The following PRX variants were observed in gnomAD, a reference collection of about 807,000 sequenced individuals.
PRX encodes periaxin.
In PRX, 24 loss-of-function variants were observed where a neutral mutation model predicts 29.6. The observed-to-expected ratio is 0.81, with a 90% CI of 0.59 to 1.14. PRX has a LOEUF of 1.14. Among genes scored for constraint, PRX ranks in the 50% most tolerant of loss-of-function variants. The pLI, the probability that PRX is intolerant of heterozygous loss-of-function variation, is 0.00. For missense variants in PRX, 1,838 were observed against 1,926.4 expected (o/e 0.95, Z 0.86); for synonymous variants, 772 against 831.7 (o/e 0.93, Z 1.24).
rs752312629 is a variant in PRX at position 40,395,849 on chromosome 19, G to T, written c.2503C>A (p.Pro835Thr). The T allele has an allele frequency of 1.2e-6, 2 of 1,614,204 alleles. No individual in the cohort carries two copies. The highest frequency in any genetic ancestry group is 1.1e-5 in the South Asian group (1 of 91,086). The change falls in exon 7 of 7, where the codon CCC (proline) becomes ACC (threonine). Residue 835 changes from proline to threonine, a missense_variant. Coordinates refer to ENST00000324001, the MANE Select transcript of PRX (RefSeq NM_181882.3). Reference protein sequence around the residue: ...AEVSGKLVTLPCLQPEVDGEA... With the variant: ...AEVSGKLVTLTCLQPEVDGEA... Reference sequence around the variant, plus strand: ...CCATCCACCTCTGGCTGCAGACAGGGAAGTGTTACCAGCTTCCCTGAGACC... The same window carrying T: ...CCATCCACCTCTGGCTGCAGACAGGTAAGTGTTACCAGCTTCCCTGAGACC...
At position 40,394,173 on chromosome 19, in the gene PRX, C is replaced by T. The variant is rs1206533382; in HGVS notation, c.4179G>A (p.Gln1393=). 2 of 1,587,754 alleles carry T rather than the reference C, an allele frequency of 1.3e-6. No individual in the cohort carries two copies. Among genetic ancestry groups the T allele is most frequent in the South Asian group, 2.3e-5 (2 of 88,072 alleles). Residue 1393 remains glutamine, a synonymous_variant, in exon 7 of 7, where the codon CAG becomes CAA. Coordinates refer to ENST00000324001, the MANE Select transcript of PRX (RefSeq NM_181882.3). This position sits in a 1 kb window ranked among gnomAD's most constrained non-coding sequence, Gnocchi z 5.8. The part of the protein sequence containing the change: ...LAAPSKASRG[Q]EGDAAPKSPV... Reference sequence around the variant, plus strand: ...GGGACTTGGGGGCTGCATCGCCCTCCTGCCCCCGAGAGGCTTTAGAAGGGG... The same window carrying T: ...GGGACTTGGGGGCTGCATCGCCCTCTTGCCCCCGAGAGGCTTTAGAAGGGG...
intron 4 of PRX, among the ~76,000 whole-genome samples, chr19:40,406,316 G>T (rs1193480898): frequency 6.6e-6 from 1 of 151,838 alleles, no homozygotes; most frequent in Non-Finnish European, 1.5e-5. Context: ...GGGCTCAAGG[G>T]ATCCTCTGGC....
intron 4 of PRX, among the ~76,000 whole-genome samples, chr19:40,407,265 CTTT>C (rs796139969): frequency 6.5e-5 from 8 of 123,790 alleles, no homozygotes; most frequent in Non-Finnish European, 1.3e-4. Flanking sequence ...TAGACAGGGT[CTTT>C]TTTTTTTTTT....
In PRX at chr19:40,397,718, G is replaced by T. The variant is rs771156102; in HGVS notation, c.634C>A (p.Pro212Thr). 1.9e-5 allele frequency: 30 copies of T among 1,559,680 alleles called. No individual in the cohort carries two copies. The highest frequency in any genetic ancestry group is 1.5e-5 in the Non-Finnish European group (17 of 1,156,372). ...TCCACCTTGGCTTTCCTGGGGGGAG[G>T]AGCGGCGGCGGCCAGCCGGGCTGCC... The part of the protein sequence containing the change: ...AQAARLAAAA[P>T]PPRKAKVEAE... The change falls in exon 7 of 7, where the codon CCT (proline) becomes ACT (threonine). Residue 212 changes from proline to threonine, a missense_variant. Physicochemically the swap from Pro to Thr is conservative, Grantham distance 38. Around this residue, in one of 3 missense-constraint regions of PRX, gnomAD observed 666 missense variants for 665.0 expected, o/e 1.00. Transcript: ENST00000324001.
chr19:40,394,599 C>T lies in PRX; in HGVS notation c.3753G>A (p.Gly1251=). The T allele has an allele frequency of 6.2e-7, 1 of 1,608,576 alleles. No individual in the cohort carries two copies. Among genetic ancestry groups the T allele is most frequent in the Non-Finnish European group, 8.5e-7 (1 of 1,179,256 alleles). The change falls in exon 7 of 7, where the codon GGG becomes GGA. Residue 1251 remains glycine, a synonymous_variant. Transcript: ENST00000324001. This position sits in a 1 kb window ranked among gnomAD's most constrained non-coding sequence, Gnocchi z 5.8. ...CCTCGCCCCCCACCCTAGCTCTGGC[C>T]CCCAGTGTGGGCAACTTCAGCCTCA... ...GGLRLKLPTL[G]ARARVGGEGA... is the part of the protein sequence containing the mutation.
At chr19:40,405,966 G>T (rs1023251739) in intron 4 of PRX, among the ~76,000 whole-genome samples, 2 of 151,286 alleles carry the variant, frequency 1.3e-5, no homozygotes, top group African/African-American at 4.9e-5. Flanking sequence ...TCGGAGTCAG[G>T]CCAGGCGCGG....
chr19:40,394,257 T>C lies in PRX; in HGVS notation c.4095A>G (p.Glu1365=). ...CCCGGCCCCGGCGACCCGAGGCCCCTTCCCCACTGCCCTCTTCCTCCTCCT... is the reference window on the plus strand; with the variant it reads ...CCCGGCCCCGGCGACCCGAGGCCCCCTCCCCACTGCCCTCTTCCTCCTCCT... The part of the protein sequence containing the change: ...EEEEEEEGSG[E]GASGRRGRVR... Residue 1365 remains glutamate (E), a synonymous_variant, in exon 7 of 7, where the codon GAA becomes GAG. Coordinates refer to ENST00000324001, the MANE Select transcript of PRX (RefSeq NM_181882.3). The surrounding 1 kb of genome is among the most constrained non-coding windows in gnomAD (Gnocchi z 5.8). 2 of 1,609,574 alleles carry C rather than the reference T, an allele frequency of 1.2e-6. No individual in the cohort carries two copies. The highest frequency in any genetic ancestry group is 1.7e-6 in the Non-Finnish European group (2 of 1,176,780).
rs773641151 is a variant in PRX, at chr19:40,398,850, C to G, written c.185-34G>C. 4 of 1,613,462 alleles carry G rather than the reference C, an allele frequency of 2.5e-6. No homozygotes were observed. In the African/African-American group the frequency reaches 5.3e-5, roughly 22 times the overall value. On this transcript the variant is annotated intron_variant, in intron 5 of 6. Transcript: ENST00000324001. This position sits in a 1 kb window ranked among gnomAD's most constrained non-coding sequence, Gnocchi z 6.3. ...GAGGTGGAGGTGCGCAGCACGTGGG[C>G]ATCTCCCGGCTCCGCCCGGGCCTAG...
intron 4 of PRX, among the ~76,000 whole-genome samples, chr19:40,404,135 C>T (rs1332772897): frequency 2.0e-5 from 3 of 152,302 alleles, no homozygotes; most frequent in Non-Finnish European, 2.9e-5. Flanking sequence ...CTTCAGGGCA[C>T]ACGCCCCTCG....
intron 5 of PRX, among the ~76,000 whole-genome samples, chr19:40,399,405 C>A (rs2079472601): frequency 6.6e-6 from 1 of 152,226 alleles, no homozygotes; most frequent in Admixed American, 6.5e-5. Context: ...TTTATCTGTT[C>A]ACCTTAATAG....
intron 1 of PRX, among the ~76,000 whole-genome samples, chr19:40,410,119 C>T (rs2079551725): frequency 6.6e-6 from 1 of 152,132 alleles, no homozygotes; most frequent in African/African-American, 2.4e-5. Context: ...TGCTCAAGGC[C>T]TCATAGCACA....
At position 40,398,727 on chromosome 19, in the gene PRX, C is replaced by T. The variant is rs1397605310; in HGVS notation, c.274G>A (p.Val92Ile). Residue 92 changes from valine (V) to isoleucine (I), a missense_variant, in exon 6 of 7, where the codon GTC (valine) becomes ATC (isoleucine). Physicochemically the swap from Val to Ile is conservative, Grantham distance 29 (BLOSUM62 3). Coordinates refer to ENST00000324001, the MANE Select transcript of PRX (RefSeq NM_181882.3). The surrounding 1 kb of genome is among the most constrained non-coding windows in gnomAD (Gnocchi z 6.3). ...ACAGTGCGCTTCAGGCAGAAGGAGA[C>T]TTTGTAAGGCTCGGCGCATTGCAGC... ...RLLQCAEPYK[V>I]SFCLKRTVPT... is the part of the protein sequence containing the mutation. The T allele has an allele frequency of 6.2e-7, 1 of 1,614,096 alleles. No homozygotes were observed.
chr19:40,398,781 T>C lies in PRX; in HGVS notation c.220A>G (p.Asn74Asp). 6.2e-7 allele frequency: 1 copy of C among 1,613,970 alleles called. No individual in the cohort carries two copies. Among genetic ancestry groups the C allele is most frequent in the South Asian group, 1.1e-5 (1 of 91,076 alleles). ...CGTAGTGCGTCCTCGTACTTGAAGTTCTCGAAGAACACTCGGGCACTCAGC... is the reference window on the plus strand; with the variant it reads ...CGTAGTGCGTCCTCGTACTTGAAGTCCTCGAAGAACACTCGGGCACTCAGC... ...QLLSARVFFE[N>D]FKYEDALRLL... The change falls in exon 6 of 7, where the codon AAC becomes GAC. Residue 74 changes from asparagine (N) to aspartate (D), a missense_variant. Transcript: ENST00000324001. This position sits in a 1 kb window ranked among gnomAD's most constrained non-coding sequence, Gnocchi z 6.3.
At position 40,395,832 on chromosome 19, in the gene PRX, C is replaced by G. The variant is rs1252771049; in HGVS notation, c.2520G>C (p.Glu840Asp). The G allele has an allele frequency of 6.2e-6, 10 of 1,614,102 alleles. No homozygotes were observed. The highest frequency in any genetic ancestry group is 7.6e-6 in the Non-Finnish European group (9 of 1,180,048). ...CACCCACATGAGCCTCACCATCCACCTCTGGCTGCAGACAGGGAAGTGTTA... is the reference window on the plus strand; with the variant it reads ...CACCCACATGAGCCTCACCATCCACGTCTGGCTGCAGACAGGGAAGTGTTA... ...KLVTLPCLQP[E>D]VDGEAHVGVP... is the part of the protein sequence containing the mutation. Residue 840 changes from glutamate to aspartate, a missense_variant, in exon 7 of 7, where the codon GAG (glutamate) becomes GAC (aspartate). Coordinates refer to ENST00000324001, the MANE Select transcript of PRX (RefSeq NM_181882.3).
chr19:40,403,079 A>G (rs916778882), intron 5 of PRX, among the ~76,000 whole-genome samples: 1 of 152,100 alleles, frequency 6.6e-6, no homozygotes, highest in Non-Finnish European at 1.5e-5. Flanking sequence ...CTGAGGCAGG[A>G]GAATCGCTTG....
chr19:40,409,542 G>T (rs972979757), intron 1 of PRX, among the ~76,000 whole-genome samples: 1 of 150,692 alleles, frequency 6.6e-6, no homozygotes, highest in African/African-American at 2.4e-5. Context: ...GTGCGAATTC[G>T]GCTTACTACA....
At position 40,398,653 on chromosome 19, in the gene PRX, C is replaced by T; in HGVS notation, c.348G>A (p.Glu116=). The change falls in exon 6 of 7, where the codon GAG becomes GAA. Residue 116 remains glutamate, a synonymous_variant. Coordinates refer to ENST00000324001, the MANE Select transcript of PRX (RefSeq NM_181882.3). This position sits in a 1 kb window ranked among gnomAD's most constrained non-coding sequence, Gnocchi z 6.3. ...CCACCTTGGCCCGCGGGCCCTTGAT[C>T]TCGTAGCCAGACACGGTCCCGGGCC... is the stretch of plus-strand genomic sequence containing the variant. ...ALRPGTVSGY[E]IKGPRAKVAK... The T allele has an allele frequency of 3.1e-6, 5 of 1,613,862 alleles. No individual in the cohort carries two copies. The highest frequency in any genetic ancestry group is 4.2e-6 in the Non-Finnish European group (5 of 1,179,910).
upstream of PRX, among the ~76,000 whole-genome samples, chr19:40,414,772 G>A (rs545115743): frequency 9.9e-5 from 15 of 152,262 alleles, no homozygotes; most frequent in South Asian, 8.3e-4. Context: ...CTGCTGCCTC[G>A]GAAGCTCGTC....
Position 40,396,106 on chromosome 19 carries a change from T to G in PRX, c.2246A>C (p.Lys749Thr), listed in dbSNP as rs751511779. 2.5e-6 allele frequency: 4 copies of G among 1,614,192 alleles called. No homozygotes were observed. The East Asian group carries it at 6.7e-5, about 27-fold the overall frequency. Residue 749 changes from lysine to threonine, a missense_variant, in exon 7 of 7, where the codon AAA becomes ACA. Lys to Thr is a moderately conservative substitution (Grantham distance 78). This residue lies in a region of PRX where 1,143 missense variants were observed against 1,193.0 expected (regional missense o/e 0.96). Coordinates refer to ENST00000324001, the MANE Select transcript of PRX (RefSeq NM_181882.3). The stretch of plus-strand genomic sequence containing the variant: ...TTCCGGCAGCCGAATCTCTGACACT[T>G]TCGGCAGCTGCACCTCGGGGAGGTG... ...DVHLPEVQLP[K>T]VSEIRLPEMQ...
Sources: gnomAD v4.1 joint callset for allele counts (sites outside exome capture counted in the v4.1 genomes callset) on GRCh38, gnomAD v4.1.1 for gene constraint, gnomAD v4.1.1 regional missense constraint, Gnocchi (gnomAD v3.1) non-coding constraint, MANE v1.5 for transcripts, NCBI Gene and HGNC (gene_info 2026-07-23, HGNC 2026-07-21) for gene names.